Variants in SLC6A4 observed in about 807,000 individuals in gnomAD.
SLC6A4 encodes sodium-dependent serotonin transporter.
In SLC6A4, 22 loss-of-function variants were observed where a neutral mutation model predicts 73.4. The ratio of observed to expected loss-of-function variants is 0.30; its 90% CI spans 0.21 to 0.43. SLC6A4 has a LOEUF of 0.43. Ranked by LOEUF, SLC6A4 falls within the 20% of genes least tolerant of loss-of-function variation. The pLI, the probability that SLC6A4 is intolerant of heterozygous loss-of-function variation, is 1.00. For missense variants in SLC6A4, 593 were observed against 808.5 expected (o/e 0.73, Z 3.23); for synonymous variants, 270 against 315.5 (o/e 0.86, Z 1.53).
chr17:30,226,046 C>T (rs754206114), intron 1 of SLC6A4, among the ~76,000 whole-genome samples: 2 of 152,216 alleles, frequency 1.3e-5, no homozygotes, highest in Non-Finnish European at 2.9e-5. Flanking sequence ...TACTTGATGC[C>T]TATCAGTGCC....
chr17:30,228,613 T>C (rs887445368), intron 1 of SLC6A4, among the ~76,000 whole-genome samples: 1 of 152,124 alleles, frequency 6.6e-6, no homozygotes, highest in Non-Finnish European at 1.5e-5. Flanking sequence ...GGATCTGCAG[T>C]TTTTAACAAA....
intron 9 of SLC6A4, among the ~76,000 whole-genome samples, chr17:30,212,244 GT>G (rs1906410592): frequency 1.3e-5 from 2 of 152,174 alleles, no homozygotes; most frequent in South Asian, 4.1e-4. Context: ...AAACCCACTG[GT>G]TTTAAAGCCA....
intron 7 of SLC6A4, 87 bp from the exon 8 acceptor site, chr17:30,215,801 T>C: frequency 3.5e-6 from 4 of 1,148,376 alleles, no homozygotes; most frequent in Non-Finnish European, 3.9e-6. Context: ...CCTGCCTCCA[T>C]GTGGCTAAGT....
chr17:30,222,553 G>A (rs1174599328), intron 2 of SLC6A4, among the ~76,000 whole-genome samples: 1 of 152,190 alleles, frequency 6.6e-6, no homozygotes, highest in Non-Finnish European at 1.5e-5. Flanking sequence ...CATCATTTAA[G>A]CTGCACACCC....
chr17:30,229,427 T>G (rs1907020652), intron 1 of SLC6A4, among the ~76,000 whole-genome samples: 1 of 152,138 alleles, frequency 6.6e-6, no homozygotes, highest in Non-Finnish European at 1.5e-5. Context: ...ATGAGACTGA[T>G]TCGAAGTTCT....
At chr17:30,206,727 T>C (rs567874664) in intron 13 of SLC6A4, among the ~76,000 whole-genome samples, 2 of 141,466 alleles carry the variant, frequency 1.4e-5, no homozygotes, top group Non-Finnish European at 3.1e-5. Context: ...TTTTTTTTTT[T>C]TTTTTTTTTG....
At chr17:30,207,881 G>T in intron 12 of SLC6A4, 49 bp from the exon 13 acceptor site, 1 of 1,293,944 alleles carries the variant, frequency 7.7e-7, no homozygotes, top group Non-Finnish European at 1.1e-6. Context: ...AAGGACATGG[G>T]CTGTGCTGCT....
At position 30,197,093 on chromosome 17, in the gene SLC6A4, C is replaced by CTTAT. The variant is rs1227515761; in HGVS notation, c.*1362_*1363insATAA. The CTTAT allele has an allele frequency of 6.6e-6, 1 of 152,284 alleles. No homozygotes were observed. Among genetic ancestry groups the CTTAT allele is most frequent in the Non-Finnish European group, 1.5e-5 (1 of 68,036 alleles). The allele number at this position is 152,284 out of a possible 1,614,324, so 9.4% of individuals were successfully genotyped here. ...CCCTCAAAATTCTGATAAGGAATTC[C>CTTAT]CATGCTGCAAATATTAATTTGCTCC... On this transcript the variant is annotated 3_prime_UTR_variant, in exon 15 of 15. Coordinates refer to ENST00000650711, the MANE Select transcript of SLC6A4 (RefSeq NM_001045.6).
chr17:30,198,362 G>C lies in SLC6A4; in HGVS notation c.*94C>G. The C allele has an allele frequency of 4.1e-6, 3 of 732,086 alleles. No homozygotes were observed. Among genetic ancestry groups the C allele is most frequent in the Non-Finnish European group, 7.2e-6 (3 of 418,620 alleles). 45.3% of individuals were successfully genotyped at this position (732,086 alleles called of 1,614,324 possible). A position where few individuals can be genotyped will look rare whatever the true frequency, so the allele number is the denominator to read the frequency against. On this transcript the variant is annotated 3_prime_UTR_variant, in exon 15 of 15. Transcript: ENST00000650711. ...GCCCTTCCATCATCAGGCTTAGCTG[G>C]AAACTCATTCACTTGGAGGGGAGAA...
At chr17:30,215,393 C>T (rs1483343848) in intron 8 of SLC6A4, among the ~76,000 whole-genome samples, 1 of 152,076 alleles carries the variant, frequency 6.6e-6, no homozygotes, top group Non-Finnish European at 1.5e-5. Context: ...GGGCATGGGG[C>T]CCCTCTCAGC....
At position 30,197,503 on chromosome 17, in the gene SLC6A4, G is replaced by T. The variant is rs1905901619; in HGVS notation, c.*953C>A. ...TAAACCAGAGGGCCAGGTGAACACT[G>T]AAGGGGCATGTGACAAGATCCACCT... is the stretch of plus-strand genomic sequence containing the variant. On this transcript the variant is annotated 3_prime_UTR_variant, in exon 15 of 15. Transcript: ENST00000650711. 6.6e-6 allele frequency: 1 copy of T among 152,396 alleles called. No homozygotes were observed. The highest frequency in any genetic ancestry group is 1.5e-5 in the Non-Finnish European group (1 of 68,088). The allele number at this position is 152,396 out of a possible 1,614,324, so 9.4% of individuals were successfully genotyped here.
rs967476768 is a variant in SLC6A4 at position 30,222,884 on chromosome 17, G to A, written c.-189C>T. ...AAGCCCCTTGTTATTCTGCAAGAGA[G>A]GGCAAGCAAGGTCGCCTTGCCTCCA... On this transcript the variant is annotated 5_prime_UTR_variant, in exon 2 of 15. Transcript: ENST00000650711. 2.3e-6 allele frequency: 3 copies of A among 1,283,120 alleles called. No individual in the cohort carries two copies. Among genetic ancestry groups the A allele is most frequent in the East Asian group, 1.1e-4 (2 of 18,072 alleles). 79.5% of individuals were successfully genotyped at this position (1,283,120 alleles called of 1,614,324 possible). A position where few individuals can be genotyped will look rare whatever the true frequency, so the allele number is the denominator to read the frequency against.
chr17:30,211,282 A>G lies in SLC6A4; in HGVS notation c.1317+30T>C. On this transcript the variant is annotated intron_variant, in intron 10 of 14. Coordinates refer to ENST00000650711, the MANE Select transcript of SLC6A4 (RefSeq NM_001045.6). This position sits in a 1 kb window ranked among gnomAD's most constrained non-coding sequence, Gnocchi z 4.0. ...CTCCTCCTTTCCTCTTCATCCTCCC[A>G]CAGCCCATTTCCCCTTCCCATTTCC... is the stretch of plus-strand genomic sequence containing the variant. The G allele has an allele frequency of 2.9e-6, 4 of 1,390,002 alleles. No homozygotes were observed. The highest frequency in any genetic ancestry group is 4.1e-6 in the Non-Finnish European group (4 of 978,274). 86.1% of individuals were successfully genotyped at this position (1,390,002 alleles called of 1,614,324 possible).
chr17:30,232,760 T>G (rs988257458), intron 1 of SLC6A4, among the ~76,000 whole-genome samples: 1 of 152,356 alleles, frequency 6.6e-6, no homozygotes, highest in Middle Eastern at 3.4e-3. Context: ...AAGCGCGTTG[T>G]TGACATTCAG....
chr17:30,198,891 G>A (rs1905944781), intron 14 of SLC6A4, among the ~76,000 whole-genome samples: 1 of 152,102 alleles, frequency 6.6e-6, no homozygotes, highest in African/African-American at 2.4e-5. Flanking sequence ...CGGCCACAAA[G>A]GGCTTGGGGA....
intron 1 of SLC6A4, among the ~76,000 whole-genome samples, chr17:30,226,879 A>AAAAGAAAAAG (rs953528482): frequency 1.7e-5 from 2 of 119,502 alleles, no homozygotes; most frequent in Non-Finnish European, 3.9e-5. Context: ...TCTCAAAAAA[A>AAAAGAAAAAG]AAAGAAAAAG....
rs201010983 is a variant in SLC6A4 at position 30,210,658 on chromosome 17, A to G, written c.1318-12T>C. 104 of 1,607,444 alleles carry G rather than the reference A, an allele frequency of 6.5e-5. No individual in the cohort carries two copies. In the African/African-American group the frequency reaches 1.3e-3, roughly 20 times the overall value. The stretch of plus-strand genomic sequence containing the variant: ...TCCAAGCCTGCAAACTGAGAGGTAC[A>G]GGCAAGCAGTCACGGTGGAGGCTTT... On this transcript the variant is annotated splice_polypyrimidine_tract_variant and intron_variant, in intron 10 of 14. Transcript: ENST00000650711.
chr17:30,201,281 C>CT (rs1022918611), intron 14 of SLC6A4, among the ~76,000 whole-genome samples: 4 of 152,172 alleles, frequency 2.6e-5, no homozygotes, highest in African/African-American at 9.7e-5. Context: ...CGACTAGGGC[C>CT]TTTTCCATGG....
At chr17:30,227,596 C>T (rs1906967476) in intron 1 of SLC6A4, among the ~76,000 whole-genome samples, 1 of 152,082 alleles carries the variant, frequency 6.6e-6, no homozygotes, top group South Asian at 2.1e-4. Flanking sequence ...AGGAATCCTC[C>T]CACCTCAGGC....
Sources: allele counts gnomAD v4.1 joint callset (sites outside exome capture counted in the v4.1 genomes callset), GRCh38; gene constraint gnomAD v4.1.1; non-coding constraint Gnocchi (gnomAD v3.1); transcripts MANE v1.5; gene names NCBI Gene and HGNC (gene_info 2026-07-23, HGNC 2026-07-21).